F13A1: variants seen among roughly 807,000 people sequenced by gnomAD.
The protein encoded by F13A1 is coagulation factor XIII A chain.
A neutral mutation model predicts 80.1 loss-of-function variants in F13A1; 47 were observed. That is an observed-to-expected ratio of 0.59 (90% CI 0.46 to 0.75). The LOEUF (loss-of-function observed/expected upper bound fraction) is 0.75. Among genes scored for constraint, F13A1 ranks in the 30% least tolerant of loss-of-function variants. F13A1 has a pLI of 0.00. For synonymous variants in F13A1, 349 were observed against 344.9 expected (o/e 1.01, Z -0.13); for missense variants, 817 against 930.4 (o/e 0.88, Z 1.59).
At chr6:6,179,918 G>A (rs971041047) in intron 11 of F13A1, among the ~76,000 whole-genome samples, 13 of 152,092 alleles carry the variant, frequency 8.5e-5, no homozygotes, top group Non-Finnish European at 1.6e-4. Flanking sequence ...CTCCTGTTTC[G>A]TGGACTGGGT....
chr6:6,194,790 G>C (rs946365163), intron 10 of F13A1, among the ~76,000 whole-genome samples: 3 of 152,160 alleles, frequency 2.0e-5, no homozygotes, highest in Non-Finnish European at 4.4e-5. Context: ...ATAACTATTT[G>C]TTCCTCCTGG....
At position 6,182,107 on chromosome 6, in the gene F13A1, T is replaced by C; in HGVS notation, c.1340A>G (p.Lys447Arg). The change falls in exon 11 of 15, where the codon AAA becomes AGA. Residue 447 changes from lysine (K) to arginine (R), a missense_variant. Lys to Arg is a conservative substitution (Grantham distance 26). Transcript: ENST00000264870. ...ATTTTCCACCACATGAGTGCCATCTTTCTTAGCTGTAATGTAAATGAGGTC... is the reference window on the plus strand; with the variant it reads ...ATTTTCCACCACATGAGTGCCATCTCTCTTAGCTGTAATGTAAATGAGGTC... ...NSDLIYITAK[K>R]DGTHVVENVD... The C allele has an allele frequency of 6.2e-7, 1 of 1,614,202 alleles. No individual in the cohort carries two copies. The highest frequency in any genetic ancestry group is 8.5e-7 in the Non-Finnish European group (1 of 1,180,016).
intron 13 of F13A1, among the ~76,000 whole-genome samples, chr6:6,160,444 C>T (rs1455337961): frequency 6.6e-6 from 1 of 151,950 alleles, no homozygotes; most frequent in African/African-American, 2.4e-5. Flanking sequence ...TCAAGTGATT[C>T]TCCTGCCTCA....
intron 8 of F13A1, among the ~76,000 whole-genome samples, chr6:6,202,740 T>A (rs1319948703): frequency 1.3e-5 from 2 of 152,240 alleles, no homozygotes; most frequent in Non-Finnish European, 2.9e-5. Flanking sequence ...ACGATGGAGA[T>A]GACAAGTGAA....
At position 6,222,396 on chromosome 6, in the gene F13A1, G is replaced by A. The variant is rs192130944; in HGVS notation, c.974-225C>T. Among the ~76,000 whole-genome samples, 302 of 152,322 alleles carry A rather than the reference G, an allele frequency of 2.0e-3. 3 individuals carry two copies. The highest frequency in any genetic ancestry group is 7.0e-3 in the African/African-American group (293 of 41,570). On this transcript the variant is annotated intron_variant, in intron 7 of 14. Transcript: ENST00000264870. ...TCCTTCAGAATTGCAGCTGGTGTCA[G>A]GTGAAGCCAACTAGAGTAGAATCCC...
chr6:6,225,189 A>C (rs1481681559), intron 6 of F13A1, among the ~76,000 whole-genome samples: 2 of 152,188 alleles, frequency 1.3e-5, no homozygotes, highest in East Asian at 3.8e-4. Flanking sequence ...GTTAGTGCTC[A>C]AGAATGATGT....
intron 2 of F13A1, among the ~76,000 whole-genome samples, chr6:6,316,631 G>C (rs951940251): frequency 6.6e-6 from 1 of 152,132 alleles, no homozygotes; most frequent in Non-Finnish European, 1.5e-5. Flanking sequence ...ATTTATGGGG[G>C]CTACAGGTCG....
rs1760466160 is a variant in F13A1 at position 6,155,865 on chromosome 6, T to TC, written c.1909-3917dup. Among the ~76,000 whole-genome samples, 17 of 152,360 alleles carry TC rather than the reference T, an allele frequency of 1.1e-4. No homozygotes were observed. In the South Asian group the frequency reaches 3.3e-3, roughly 30 times the overall value. On this transcript the variant is annotated intron_variant, in intron 13 of 14. Coordinates refer to ENST00000264870, the MANE Select transcript of F13A1 (RefSeq NM_000129.4). ...TTTAGGAATCTGCAAAGCTCCCTTT[T>TC]CCTTATTGCTGAAAGCATAATTCCA...
intron 10 of F13A1, among the ~76,000 whole-genome samples, chr6:6,182,897 A>T (rs62407998): frequency 1.3e-5 from 2 of 152,202 alleles, no homozygotes; most frequent in African/African-American, 2.4e-5. Context: ...TTGAACAATA[A>T]TATTAGATGA....
intron 3 of F13A1, among the ~76,000 whole-genome samples, chr6:6,275,360 A>T (rs200723328): frequency 1.3e-4 from 19 of 151,608 alleles, no homozygotes; most frequent in African/African-American, 2.2e-4. Context: ...CATTTTTTTT[A>T]TTTTTTTTGT....
rs2151071282 is a variant in F13A1 at position 6,162,016 on chromosome 6, G to A, written c.1908+5442C>T. Among the ~76,000 whole-genome samples, 1 of 152,314 alleles carries A rather than the reference G, an allele frequency of 6.6e-6. No individual in the cohort carries two copies. Among genetic ancestry groups the A allele is most frequent in the East Asian group, 1.9e-4 (1 of 5,184 alleles). On this transcript the variant is annotated intron_variant, in intron 13 of 14. Coordinates refer to ENST00000264870, the MANE Select transcript of F13A1 (RefSeq NM_000129.4). The surrounding 1 kb of genome is among the most constrained non-coding windows in gnomAD (Gnocchi z 4.2). ...GAAACTCCAGTTCCAAGGCTGAGTT[G>A]GGTACTTCCTGGAGAAGACAATGCT... is the stretch of plus-strand genomic sequence containing the variant.
chr6:6,286,275 A>G (rs111606392), intron 3 of F13A1, among the ~76,000 whole-genome samples: 5,978 of 152,312 alleles, frequency 0.039, 396 homozygotes, highest in African/African-American at 0.13. Context: ...AATCCCAGCT[A>G]CTGGAGAGGC....
At chr6:6,305,274 C>T in intron 3 of F13A1, 77 bp downstream of exon 3, 2 of 1,518,696 alleles carry the variant, frequency 1.3e-6, no homozygotes, top group Non-Finnish European at 1.8e-6. Flanking sequence ...TAGGAAATCA[C>T]ACAACTGTGC....
At chr6:6,254,794 A>G (rs2113108165) in intron 4 of F13A1, among the ~76,000 whole-genome samples, 1 of 152,290 alleles carries the variant, frequency 6.6e-6, no homozygotes, top group East Asian at 1.9e-4. Context: ...AATGGATGAC[A>G]TTACAACAAA....
At chr6:6,150,570 A>G (rs1760356642) in intron 14 of F13A1, among the ~76,000 whole-genome samples, 1 of 152,230 alleles carries the variant, frequency 6.6e-6, no homozygotes, top group Admixed American at 6.5e-5. Context: ...CCCAGAGGGT[A>G]TAAGTGAGGC....
At chr6:6,210,348 T>TATATATATATATATATA (rs1420900272) in intron 8 of F13A1, among the ~76,000 whole-genome samples, 87 of 134,544 alleles carry the variant, frequency 6.5e-4, no homozygotes, top group African/African-American at 1.2e-3. Context: ...TATATATATA[T>TATATATATATATATATA]TTCTTTTTTT....
intron 3 of F13A1, among the ~76,000 whole-genome samples, chr6:6,283,989 G>C (rs1157690888): frequency 6.6e-6 from 1 of 152,202 alleles, no homozygotes; most frequent in Non-Finnish European, 1.5e-5. Context: ...GTTACTTAGT[G>C]AATCACTGAA....
intron 9 of F13A1, among the ~76,000 whole-genome samples, chr6:6,196,421 A>G (rs1342372649): frequency 2.0e-5 from 3 of 152,184 alleles, no homozygotes; most frequent in African/African-American, 7.2e-5. Flanking sequence ...ACCTATCTAT[A>G]TAGTTAATAA....
At chr6:6,202,629 C>T (rs1338236152) in intron 8 of F13A1, among the ~76,000 whole-genome samples, 1 of 152,210 alleles carries the variant, frequency 6.6e-6, no homozygotes, top group African/African-American at 2.4e-5. Flanking sequence ...TTCTAAATCT[C>T]CTTGTTGCCT....
Sources: gnomAD v4.1 joint callset for allele counts (sites outside exome capture counted in the v4.1 genomes callset) on GRCh38, gnomAD v4.1.1 for gene constraint, Gnocchi (gnomAD v3.1) non-coding constraint, MANE v1.5 for transcripts, NCBI Gene and HGNC (gene_info 2026-07-23, HGNC 2026-07-21) for gene names.